Variants in PSMD1 observed in about 807,000 individuals in gnomAD.
PSMD1 encodes 26S proteasome non-ATPase regulatory subunit 1.
A neutral mutation model predicts 119.0 loss-of-function variants in PSMD1; 18 were observed. The observed-to-expected ratio is 0.15, with a 90% CI of 0.10 to 0.22. The LOEUF is 0.22. PSMD1 is among the 10% of genes least tolerant of loss of function. The pLI is 1.00. For missense variants in PSMD1, 702 were observed against 1,158.5 expected (o/e 0.61, Z 5.72); for synonymous variants, 374 against 396.6 (o/e 0.94, Z 0.68).
chr2:231,097,341 T>C lies in PSMD1; in HGVS notation c.1883+10160T>C, dbSNP rs559300800. ...CTTTTCTAGCCATCCTGTAAAGGGGTCATTTACCCTTGAGTTGCTGGCTAA... is the reference window on the plus strand; with the variant it reads ...CTTTTCTAGCCATCCTGTAAAGGGGCCATTTACCCTTGAGTTGCTGGCTAA... On this transcript the variant is annotated intron_variant, in intron 16 of 24. Coordinates refer to ENST00000308696, the MANE Select transcript of PSMD1 (RefSeq NM_002807.4). Among the ~76,000 whole-genome samples the C allele has an allele frequency of 4.7e-4, 72 of 152,288 alleles. 1 individual carries two copies. Among genetic ancestry groups the C allele is most frequent in the African/African-American group, 1.7e-3 (70 of 41,566 alleles).
At chr2:231,139,164 CT>C (rs1696042269) in intron 17 of PSMD1, 1 of 373,084 alleles carries the variant, frequency 2.7e-6, no homozygotes, top group Non-Finnish European at 5.2e-6. Flanking sequence ...CGGAATTTCA[CT>C]CTTTCATCCA....
chr2:231,114,010 T>C (rs560294604), intron 16 of PSMD1: 5 of 1,063,252 alleles, frequency 4.7e-6, no homozygotes, highest in Non-Finnish European at 5.7e-6. Flanking sequence ...GTGATACATC[T>C]TTTGTCTTTT....
chr2:231,072,862 G>T (rs980881793), intron 7 of PSMD1, among the ~76,000 whole-genome samples: 3 of 151,928 alleles, frequency 2.0e-5, no homozygotes, highest in Non-Finnish European at 4.4e-5. Context: ...AATTGATATG[G>T]TATTAAAATT....
intron 16 of PSMD1, among the ~76,000 whole-genome samples, chr2:231,113,337 A>G (rs1695222271): frequency 6.6e-6 from 1 of 151,864 alleles, no homozygotes; most frequent in South Asian, 2.1e-4. Flanking sequence ...ATCTTTTAAA[A>G]TGTGATTTAA....
intron 1 of PSMD1, 130 bp downstream of exon 1, chr2:231,057,171 C>T (rs1286174960): frequency 1.7e-6 from 2 of 1,169,084 alleles, no homozygotes; most frequent in African/African-American, 3.3e-5. Context: ...CTGCCCAGGG[C>T]CCACCCCCGG....
intron 20 of PSMD1, chr2:231,163,378 G>A (rs2125268697): frequency 2.7e-6 from 1 of 366,204 alleles, no homozygotes; most frequent in South Asian, 6.4e-5. Flanking sequence ...ACCCATTGAA[G>A]CAGGTTGGTT....
chr2:231,094,524 C>A (rs1018482609), intron 16 of PSMD1, among the ~76,000 whole-genome samples: 2 of 152,144 alleles, frequency 1.3e-5, no homozygotes, highest in Non-Finnish European at 2.9e-5. Context: ...ACAGAGTAAG[C>A]AGGGTCACTA....
At chr2:231,082,012 C>T (rs1163086858) in intron 12 of PSMD1, among the ~76,000 whole-genome samples, 1 of 152,196 alleles carries the variant, frequency 6.6e-6, no homozygotes, top group Non-Finnish European at 1.5e-5. Context: ...GAGTTGTCCT[C>T]TCTGCCCACT....
At chr2:231,065,471 T>G (rs1481871139) in intron 4 of PSMD1, among the ~76,000 whole-genome samples, 13 of 150,958 alleles carry the variant, frequency 8.6e-5, no homozygotes, top group Admixed American at 8.6e-4. Context: ...TTTTTTTTTT[T>G]TGTATTTTTA....
intron 16 of PSMD1, among the ~76,000 whole-genome samples, chr2:231,095,085 A>T (rs1378417812): frequency 6.6e-6 from 1 of 152,188 alleles, no homozygotes; most frequent in Non-Finnish European, 1.5e-5. Flanking sequence ...CAAACAATTG[A>T]ACTGAATAAT....
chr2:231,171,799 G>A (rs140486330), intron 24 of PSMD1, among the ~76,000 whole-genome samples: 8 of 152,060 alleles, frequency 5.3e-5, no homozygotes, highest in African/African-American at 1.2e-4. Context: ...CAGCTGATCC[G>A]CGAACCTCGG....
At chr2:231,166,968 G>A (rs1464148330) in intron 23 of PSMD1, among the ~76,000 whole-genome samples, 1 of 152,216 alleles carries the variant, frequency 6.6e-6, no homozygotes, top group Non-Finnish European at 1.5e-5. Flanking sequence ...TTAGCTGTGT[G>A]ACTAAGACAA....
At chr2:231,163,309 T>C (rs1696683569) in intron 20 of PSMD1, 1 of 216,726 alleles carries the variant, frequency 4.6e-6, no homozygotes, top group African/African-American at 2.3e-5. Context: ...GGATAGACCA[T>C]CAAATGCTTT....
At chr2:231,059,414 GC>G (rs1693701659) in intron 1 of PSMD1, among the ~76,000 whole-genome samples, 1 of 152,122 alleles carries the variant, frequency 6.6e-6, no homozygotes. Context: ...CAGTTGCTAG[GC>G]ATCACCATAC....
chr2:231,093,530 C>G (rs947306481), intron 16 of PSMD1, among the ~76,000 whole-genome samples: 3 of 152,116 alleles, frequency 2.0e-5, no homozygotes, highest in Non-Finnish European at 2.9e-5. Flanking sequence ...TGCTAGAATC[C>G]AGAGAGGACC....
intron 23 of PSMD1, among the ~76,000 whole-genome samples, chr2:231,166,410 T>A (rs910894493): frequency 2.0e-5 from 3 of 152,128 alleles, no homozygotes; most frequent in Non-Finnish European, 2.9e-5. Context: ...GAGATTACCA[T>A]CCCTGACTCA....
chr2:231,082,236 T>A (rs1456906538), intron 12 of PSMD1, among the ~76,000 whole-genome samples: 1 of 152,100 alleles, frequency 6.6e-6, no homozygotes, highest in Non-Finnish European at 1.5e-5. Context: ...CTAATTTATG[T>A]TTATTTTTTT....
intron 19 of PSMD1, among the ~76,000 whole-genome samples, chr2:231,158,310 AAAAAAAG>A (rs1696558181): frequency 6.6e-6 from 1 of 152,110 alleles, no homozygotes; most frequent in South Asian, 2.1e-4. Flanking sequence ...ACTCCATCTC[AAAAAAAG>A]AAAAAAGAAA....
At chr2:231,091,000 T>C (rs1694575727) in intron 16 of PSMD1, among the ~76,000 whole-genome samples, 1 of 152,226 alleles carries the variant, frequency 6.6e-6, no homozygotes, top group Non-Finnish European at 1.5e-5. Flanking sequence ...TAATCACTTT[T>C]TGGGTCTGAC....
Sources: gnomAD v4.1 joint callset for allele counts (sites outside exome capture counted in the v4.1 genomes callset) on GRCh38, gnomAD v4.1.1 for gene constraint, MANE v1.5 for transcripts, NCBI Gene and HGNC (gene_info 2026-07-23, HGNC 2026-07-21) for gene names.